TBC1D12: variants seen among roughly 807,000 people sequenced by gnomAD.
The protein encoded by TBC1D12 is TBC1 domain family, member 12.
A neutral mutation model predicts 86.7 loss-of-function variants in TBC1D12; 56 were observed. The observed-to-expected ratio is 0.65, with a 90% CI of 0.52 to 0.81. The LOEUF is 0.81. TBC1D12 is among the 30% of genes least tolerant of loss of function. The pLI, the probability that TBC1D12 is intolerant of heterozygous loss-of-function variation, is 0.00. For missense variants in TBC1D12, 1,023 were observed against 1,038.8 expected (o/e 0.98, Z 0.21); for synonymous variants, 421 against 411.7 (o/e 1.02, Z -0.27).
chr10:94,427,647 C>T (rs890338025), intron 1 of TBC1D12, among the ~76,000 whole-genome samples: 2 of 151,994 alleles, frequency 1.3e-5, no homozygotes, highest in Admixed American at 6.5e-5. Context: ...GCCTGGCCAA[C>T]ATGGCGAAAC....
chr10:94,441,456 A>G (rs1385048496), intron 1 of TBC1D12, among the ~76,000 whole-genome samples: 3 of 152,134 alleles, frequency 2.0e-5, no homozygotes, highest in African/African-American at 7.2e-5. Context: ...CAATTCTAGT[A>G]TACTTTGTAG....
chr10:94,416,217 A>T (rs1430491389), intron 1 of TBC1D12, among the ~76,000 whole-genome samples: 1 of 152,248 alleles, frequency 6.6e-6, no homozygotes, highest in Non-Finnish European at 1.5e-5. Context: ...TCTACGTCAG[A>T]CATGAGCAAA....
intron 11 of TBC1D12, among the ~76,000 whole-genome samples, chr10:94,528,145 G>A (rs1386660745): frequency 1.3e-5 from 2 of 151,550 alleles, no homozygotes; most frequent in Non-Finnish European, 2.9e-5. Context: ...GGGATTTTAT[G>A]GAATCTATAG....
In TBC1D12 at chr10:94,435,061, T is replaced by C. The variant is rs550470030; in HGVS notation, c.972-6835T>C. Among the ~76,000 whole-genome samples the C allele has an allele frequency of 1.1e-4, 16 of 152,346 alleles. No homozygotes were observed. In the South Asian group the frequency reaches 2.3e-3, roughly 22 times the overall value. ...TGTTGCTTTTCACGGAGGAATAATA[T>C]TACATTTGCAAATATACCACAATTA... On this transcript the variant is annotated intron_variant, in intron 1 of 12. Transcript: ENST00000225235.
chr10:94,447,027 C>T (rs1020727667), intron 2 of TBC1D12, among the ~76,000 whole-genome samples: 5 of 139,050 alleles, frequency 3.6e-5, no homozygotes, highest in Non-Finnish European at 7.5e-5. Context: ...GAGCCGAGGT[C>T]GTGCCACTGC....
intron 9 of TBC1D12, among the ~76,000 whole-genome samples, chr10:94,517,256 T>G (rs1050730946): frequency 6.6e-6 from 1 of 152,126 alleles, no homozygotes; most frequent in African/African-American, 2.4e-5. Context: ...CGCATGCCTG[T>G]AATCCCAGCT....
intron 8 of TBC1D12, among the ~76,000 whole-genome samples, chr10:94,511,206 T>C (rs546427883): frequency 2.0e-4 from 30 of 151,824 alleles, no homozygotes; most frequent in African/African-American, 6.5e-4. Flanking sequence ...CAAGCGATTC[T>C]TGTGCCTCAG....
At chr10:94,482,576 G>A (rs570902909) in intron 3 of TBC1D12, among the ~76,000 whole-genome samples, 65 of 151,616 alleles carry the variant, frequency 4.3e-4, no homozygotes, top group African/African-American at 1.6e-3. Context: ...TCAGCCTCCC[G>A]AGTAGCTGGG....
At chr10:94,459,531 G>T (rs1018242705) in intron 2 of TBC1D12, among the ~76,000 whole-genome samples, 1 of 152,258 alleles carries the variant, frequency 6.6e-6, no homozygotes, top group Non-Finnish European at 1.5e-5. Context: ...GGGACCTTGC[G>T]CCATGGAGCA....
At position 94,531,306 on chromosome 10, in the gene TBC1D12, G is replaced by T; in HGVS notation, c.2105G>T (p.Gly702Val). Residue 702 changes from glycine to valine, a missense_variant, in exon 12 of 13, where the codon GGA becomes GTA. Physicochemically the swap from Gly to Val is moderately radical, Grantham distance 109 (BLOSUM62 -3). Coordinates refer to ENST00000225235, the MANE Select transcript of TBC1D12 (RefSeq NM_015188.2). ...GAATTTTTATTTAGGACTGGATTAG[G>T]AATCCTCCGATTATATGAAGATATT... Reference protein sequence around the residue: ...GEEFLFRTGLGILRLYEDILL... With the variant: ...GEEFLFRTGLVILRLYEDILL... 6.2e-7 allele frequency: 1 copy of T among 1,614,054 alleles called. No individual in the cohort carries two copies. The highest frequency in any genetic ancestry group is 8.5e-7 in the Non-Finnish European group (1 of 1,180,016).
chr10:94,412,094 G>A (rs1196864770), intron 1 of TBC1D12, among the ~76,000 whole-genome samples: 1 of 152,162 alleles, frequency 6.6e-6, no homozygotes, highest in African/African-American at 2.4e-5. Flanking sequence ...TAGGCTGCTT[G>A]GGTTTGAATT....
chr10:94,442,671 T>C (rs2055398740), intron 2 of TBC1D12, among the ~76,000 whole-genome samples: 1 of 152,212 alleles, frequency 6.6e-6, no homozygotes, highest in Admixed American at 6.5e-5. Context: ...TGGATCAATC[T>C]GCAGTGTTTT....
At chr10:94,468,476 C>T (rs2055855945) in intron 2 of TBC1D12, among the ~76,000 whole-genome samples, 1 of 152,062 alleles carries the variant, frequency 6.6e-6, no homozygotes, top group Non-Finnish European at 1.5e-5. Context: ...GATGTTCCCT[C>T]TCCATTTTTT....
intron 11 of TBC1D12, among the ~76,000 whole-genome samples, chr10:94,528,282 C>T (rs1842347415): frequency 6.6e-6 from 1 of 152,112 alleles, no homozygotes; most frequent in Admixed American, 6.5e-5. Flanking sequence ...AGAGGTCTTT[C>T]ACCTCCTTGG....
At chr10:94,443,286 C>T (rs1216798788) in intron 2 of TBC1D12, among the ~76,000 whole-genome samples, 2 of 152,020 alleles carry the variant, frequency 1.3e-5, no homozygotes, top group Non-Finnish European at 2.9e-5. Flanking sequence ...GACCATGTGC[C>T]TCCTCCTCTC....
In TBC1D12 at chr10:94,416,992, A is replaced by C. The variant is rs149208722; in HGVS notation, c.971+13408A>C. Among the ~76,000 whole-genome samples, 135 of 152,318 alleles carry C rather than the reference A, an allele frequency of 8.9e-4. 1 individual carries two copies. In the East Asian group the frequency reaches 0.024, roughly 27 times the overall value. On this transcript the variant is annotated intron_variant, in intron 1 of 12. Transcript: ENST00000225235. ...AAACTGAGGCAAAAAGGTTGGGTCT[A>C]AATTATGGGGGAGCTAAATTTGTCT...
At chr10:94,457,932 C>T (rs1281171849) in intron 2 of TBC1D12, among the ~76,000 whole-genome samples, 3 of 152,108 alleles carry the variant, frequency 2.0e-5, no homozygotes, top group Non-Finnish European at 4.4e-5. Flanking sequence ...AACAACAAAA[C>T]ATTCCTAATT....
At chr10:94,458,743 C>CT (rs1261045621) in intron 2 of TBC1D12, among the ~76,000 whole-genome samples, 1 of 152,068 alleles carries the variant, frequency 6.6e-6, no homozygotes, top group African/African-American at 2.4e-5. Flanking sequence ...TGTTATAGCT[C>CT]TTAAAGGTGG....
At chr10:94,440,097 G>T (rs1032523178) in intron 1 of TBC1D12, among the ~76,000 whole-genome samples, 4 of 152,150 alleles carry the variant, frequency 2.6e-5, no homozygotes, top group African/African-American at 9.7e-5. Flanking sequence ...GTATCTTAAA[G>T]TAGAAATTAC....
Sources: allele counts gnomAD v4.1 joint callset (sites outside exome capture counted in the v4.1 genomes callset), GRCh38; gene constraint gnomAD v4.1.1; transcripts MANE v1.5; gene names NCBI Gene and HGNC (gene_info 2026-07-23, HGNC 2026-07-21).